HPSE2: variants seen among roughly 807,000 people sequenced by gnomAD.
HPSE2 encodes heparanase 2 (inactive), also known as inactive heparanase-2.
A neutral mutation model predicts 60.5 loss-of-function variants in HPSE2; 38 were observed. The ratio of observed to expected loss-of-function variants is 0.63; its 90% CI spans 0.48 to 0.82. HPSE2 has a LOEUF of 0.82. HPSE2 is among the 40% of genes least tolerant of loss of function. HPSE2 has a pLI of 0.00. For missense variants in HPSE2, 713 were observed against 740.4 expected, an observed-to-expected ratio of 0.96 and a Z score of 0.43; for synonymous variants, 295 against 293.2, an observed-to-expected ratio of 1.01 and a Z score of -0.06.
At chr10:99,057,169 T>A (rs1020697239) in intron 3 of HPSE2, among the ~76,000 whole-genome samples, 1 of 152,188 alleles carries the variant, frequency 6.6e-6, no homozygotes, top group Non-Finnish European at 1.5e-5. Flanking sequence ...AAATTGTACA[T>A]GTAAGATGTT....
chr10:98,920,875 G>A (rs1048326092), intron 3 of HPSE2, among the ~76,000 whole-genome samples: 1 of 152,148 alleles, frequency 6.6e-6, no homozygotes, highest in Admixed American at 6.5e-5. Context: ...GGAGTACAAC[G>A]TTCATCCACC....
At chr10:98,998,105 AC>A (rs1036350356) in intron 3 of HPSE2, among the ~76,000 whole-genome samples, 1 of 152,184 alleles carries the variant, frequency 6.6e-6, no homozygotes, top group African/African-American at 2.4e-5. Flanking sequence ...TACACTACAT[AC>A]AAGTTTAGCT....
intron 9 of HPSE2, among the ~76,000 whole-genome samples, chr10:98,492,790 T>G (rs912818830): frequency 1.3e-5 from 2 of 148,514 alleles, no homozygotes; most frequent in African/African-American, 5.3e-5. Context: ...ATGACCAACA[T>G]TTTTTCCCAA....
At chr10:99,020,705 A>G (rs971437751) in intron 3 of HPSE2, among the ~76,000 whole-genome samples, 13 of 152,222 alleles carry the variant, frequency 8.5e-5, no homozygotes, top group African/African-American at 2.7e-4. Flanking sequence ...TGTGAAGAAC[A>G]CACAAGACTA....
intron 3 of HPSE2, among the ~76,000 whole-genome samples, chr10:98,883,319 T>C (rs1211742831): frequency 6.6e-6 from 1 of 152,142 alleles, no homozygotes; most frequent in Non-Finnish European, 1.5e-5. Flanking sequence ...CAAAATCATA[T>C]GGAAAATATG....
In HPSE2 at chr10:99,081,581, A is replaced by AGATGATGATGAT. The variant is rs34159388; in HGVS notation, c.610+62645_610+62656dup. On this transcript the variant is annotated intron_variant, in intron 3 of 11. Coordinates refer to ENST00000370552, the MANE Select transcript of HPSE2 (RefSeq NM_021828.5). ...TAGAGTGCTATTCTACTACTACTAA[A>AGATGATGATGAT]GATGATGATGATGATGATGATGATG... Among the ~76,000 whole-genome samples, 604 of 147,402 alleles carry AGATGATGATGAT rather than the reference A, an allele frequency of 4.1e-3. 3 individuals carry two copies. Among genetic ancestry groups the AGATGATGATGAT allele is most frequent in the Admixed American group, 7.2e-3 (107 of 14,788 alleles).
At position 99,132,191 on chromosome 10, in the gene HPSE2, AAGAGAGAGAGAGAG is replaced by A. The variant is rs781059893; in HGVS notation, c.610+12033_610+12046del. Among the ~76,000 whole-genome samples the A allele has an allele frequency of 1.3e-4, 9 of 71,904 alleles. 1 individual carries two copies. Among genetic ancestry groups the A allele is most frequent in the South Asian group, 5.2e-4 (1 of 1,930 alleles). The allele number at this position is 71,904 out of a possible 152,430, so 47.2% of individuals were successfully genotyped here. A position where few individuals can be genotyped will look rare whatever the true frequency, so the allele number is the denominator to read the frequency against. ...AAAGAAAGAAAGAAAGAAAGAAAGA[AAGAGAGAGAGAGAG>A]AGAGAGAGAGAGAGAGAGAGAGAGA... On this transcript the variant is annotated intron_variant, in intron 3 of 11. Transcript: ENST00000370552.
chr10:98,780,273 A>C (rs837741), intron 3 of HPSE2, among the ~76,000 whole-genome samples: 2,848 of 152,252 alleles, frequency 0.019, 85 homozygotes, highest in African/African-American at 0.06. Flanking sequence ...ATAATCAAAC[A>C]CAAAAGACAG....
chr10:99,033,448 A>G (rs758174136), intron 3 of HPSE2, among the ~76,000 whole-genome samples: 6 of 152,116 alleles, frequency 3.9e-5, no homozygotes, highest in Non-Finnish European at 7.4e-5. Context: ...ACAAATCAAA[A>G]CAATGATACA....
At chr10:98,520,189 C>T (rs17537742) in intron 9 of HPSE2, among the ~76,000 whole-genome samples, 1,942 of 152,258 alleles carry the variant, frequency 0.013, 15 homozygotes, top group Non-Finnish European at 0.02. Flanking sequence ...GGCAGCTATA[C>T]CCAGAACTCC....
intron 3 of HPSE2, among the ~76,000 whole-genome samples, chr10:99,019,615 AG>A (rs2135422083): frequency 6.6e-6 from 1 of 152,270 alleles, no homozygotes; most frequent in South Asian, 2.1e-4. Flanking sequence ...TTTCCTCAAA[AG>A]TTCATTCTAG....
intron 3 of HPSE2, among the ~76,000 whole-genome samples, chr10:99,114,098 A>C (rs1201800955): frequency 6.6e-6 from 1 of 152,238 alleles, no homozygotes; most frequent in African/African-American, 2.4e-5. Flanking sequence ...TTCCACTCCA[A>C]TCTCAGAATA....
At chr10:99,016,187 T>C (rs1487589158) in intron 3 of HPSE2, among the ~76,000 whole-genome samples, 5 of 152,228 alleles carry the variant, frequency 3.3e-5, no homozygotes, top group Non-Finnish European at 5.9e-5. Flanking sequence ...CATTTAAGCC[T>C]TTAATCCATC....
Position 99,131,140 on chromosome 10 carries a change from C to T in HPSE2, c.610+13098G>A, listed in dbSNP as rs147138875. 6.8e-3 allele frequency among the ~76,000 whole-genome samples: 1,039 copies of T among 152,284 alleles called. 9 individuals carry two copies. Among genetic ancestry groups the T allele is most frequent in the Non-Finnish European group, 1.0e-2 (678 of 68,028 alleles). ...AAAGCAGCTGAGGAAATCCAGCATC[C>T]CTTTATGATTAAAACACCCTCAGCA... On this transcript the variant is annotated intron_variant, in intron 3 of 11. Coordinates refer to ENST00000370552, the MANE Select transcript of HPSE2 (RefSeq NM_021828.5).
chr10:99,062,779 G>A (rs573260956), intron 3 of HPSE2, among the ~76,000 whole-genome samples: 63 of 152,254 alleles, frequency 4.1e-4, no homozygotes, highest in African/African-American at 1.3e-3. Context: ...GAAGGGAAAT[G>A]GGTGTCAAAT....
At chr10:98,903,577 C>T (rs1461086017) in intron 3 of HPSE2, among the ~76,000 whole-genome samples, 1 of 152,104 alleles carries the variant, frequency 6.6e-6, no homozygotes, top group African/African-American at 2.4e-5. Context: ...TTCAGTGGCA[C>T]TCGCAATTTT....
chr10:98,550,709 C>T (rs1411394688), intron 9 of HPSE2, among the ~76,000 whole-genome samples: 4 of 151,958 alleles, frequency 2.6e-5, no homozygotes, highest in African/African-American at 7.3e-5. Context: ...CTCCTGACCT[C>T]GTGATATGCC....
At chr10:99,049,767 G>A (rs1221689629) in intron 3 of HPSE2, among the ~76,000 whole-genome samples, 1 of 151,962 alleles carries the variant, frequency 6.6e-6, no homozygotes, top group Non-Finnish European at 1.5e-5. Context: ...AAAAACATTT[G>A]CTCTTCAAAA....
intron 6 of HPSE2, among the ~76,000 whole-genome samples, chr10:98,656,493 C>T (rs1456552948): frequency 6.6e-6 from 1 of 152,202 alleles, no homozygotes; most frequent in South Asian, 2.1e-4. Flanking sequence ...TGCTTCTATG[C>T]CTTTGAGAGA....
Sources: gnomAD v4.1 joint callset for allele counts (sites outside exome capture counted in the v4.1 genomes callset) on GRCh38, gnomAD v4.1.1 for gene constraint, MANE v1.5 for transcripts, NCBI Gene and HGNC (gene_info 2026-07-23, HGNC 2026-07-21) for gene names.